Variants in SLC20A2 observed in about 807,000 individuals in gnomAD.
SLC20A2 encodes the protein sodium-dependent phosphate transporter 2.
In SLC20A2, 30 loss-of-function variants were observed where a neutral mutation model predicts 61.0. The observed-to-expected ratio is 0.49, with a 90% confidence interval of 0.37 to 0.67. SLC20A2 has a LOEUF of 0.67. Among genes scored for constraint, SLC20A2 ranks in the 30% least tolerant of loss-of-function variants. SLC20A2 has a pLI of 0.00. For missense variants in SLC20A2, 626 were observed against 866.4 expected, an observed-to-expected ratio of 0.72 and a Z score of 3.48; for synonymous variants, 351 against 353.3, an observed-to-expected ratio of 0.99 and a Z score of 0.07.
intron 8 of SLC20A2, among the ~76,000 whole-genome samples, chr8:42,435,332 C>T (rs1043176441): frequency 6.6e-5 from 10 of 152,078 alleles, no homozygotes; most frequent in Admixed American, 2.0e-4. Flanking sequence ...AAGACGACAA[C>T]GGCACAGTCC....
intron 1 of SLC20A2, among the ~76,000 whole-genome samples, chr8:42,533,284 T>C (rs994330608): frequency 2.0e-5 from 3 of 152,180 alleles, no homozygotes; most frequent in Non-Finnish European, 2.9e-5. Flanking sequence ...TTACGGCAAG[T>C]GCTCTTCGTT....
At chr8:42,497,480 A>C (rs1208318774) in intron 1 of SLC20A2, among the ~76,000 whole-genome samples, 2 of 152,132 alleles carry the variant, frequency 1.3e-5, no homozygotes, top group Non-Finnish European at 2.9e-5. Flanking sequence ...GCTGACGCTG[A>C]AGAAACAGGG....
chr8:42,497,214 A>C (rs1809992941), intron 1 of SLC20A2, among the ~76,000 whole-genome samples: 2 of 152,234 alleles, frequency 1.3e-5, no homozygotes, highest in African/African-American at 4.8e-5. Flanking sequence ...AGTACATTGA[A>C]AACACTGCAA....
chr8:42,540,831 G>A (rs1020491760), intron 1 of SLC20A2: 15 of 152,190 alleles, frequency 9.9e-5, no homozygotes, highest in Non-Finnish European at 2.2e-4. Flanking sequence ...GAAATCCTAT[G>A]CAAATTCATT....
intron 1 of SLC20A2, among the ~76,000 whole-genome samples, chr8:42,488,278 C>T (rs929678157): frequency 4.0e-5 from 6 of 150,754 alleles, no homozygotes; most frequent in Admixed American, 6.6e-5. Flanking sequence ...CTCTGCCTCC[C>T]GGGTTCGACC....
chr8:42,433,337 T>C (rs1804008444), intron 8 of SLC20A2, among the ~76,000 whole-genome samples: 1 of 152,172 alleles, frequency 6.6e-6, no homozygotes, highest in Non-Finnish European at 1.5e-5. Flanking sequence ...TTTATCTTTT[T>C]TTTTGAGATG....
At chr8:42,506,870 G>A (rs1586230761) in intron 1 of SLC20A2, among the ~76,000 whole-genome samples, 2 of 152,220 alleles carry the variant, frequency 1.3e-5, no homozygotes, top group South Asian at 4.1e-4. Context: ...TAGGACAACA[G>A]CAAACATAAT....
chr8:42,529,133 C>A (rs915675628), intron 1 of SLC20A2, among the ~76,000 whole-genome samples: 3 of 152,040 alleles, frequency 2.0e-5, no homozygotes, highest in Non-Finnish European at 4.4e-5. Context: ...TGCCACCACA[C>A]CCAGCTAATT....
chr8:42,510,169 A>G (rs964127343), intron 1 of SLC20A2, among the ~76,000 whole-genome samples: 2 of 152,256 alleles, frequency 1.3e-5, no homozygotes, highest in African/African-American at 4.8e-5. Flanking sequence ...TTTAAAAGGA[A>G]AGTACTAAGG....
At position 42,472,483 on chromosome 8, in the gene SLC20A2, T is replaced by C. The variant is rs1391161120; in HGVS notation, c.-93A>G. On this transcript the variant is annotated 5_prime_UTR_variant, in exon 2 of 11. Coordinates refer to ENST00000520262, the MANE Select transcript of SLC20A2 (RefSeq NM_001257180.2). The surrounding 1 kb of genome is among the most constrained non-coding windows in gnomAD (Gnocchi z 4.1). ...TAAACTTCGTAAGGCCAAGAGTTCT[T>C]GTAAACAGTGAGTTTGCTCTGGAAA... The C allele has an allele frequency of 2.6e-5, 30 of 1,160,342 alleles. No individual in the cohort carries two copies. The highest frequency in any genetic ancestry group is 3.5e-5 in the Non-Finnish European group (29 of 822,590). The allele number at this position is 1,160,342 out of a possible 1,614,324, so 71.9% of individuals were successfully genotyped here.
At position 42,430,625 on chromosome 8, in the gene SLC20A2, T is replaced by C. The variant is rs571607667; in HGVS notation, c.1524-376A>G. Among the ~76,000 whole-genome samples the C allele has an allele frequency of 2.6e-5, 4 of 152,270 alleles. No individual in the cohort carries two copies. The East Asian group carries it at 7.7e-4, about 29-fold the overall frequency. On this transcript the variant is annotated intron_variant, in intron 8 of 10. Coordinates refer to ENST00000520262, the MANE Select transcript of SLC20A2 (RefSeq NM_001257180.2). ...ATCTGCCCACCTTGGCTTCCCAAAG[T>C]GTTGGGATTACAGGCATGAGCCACT...
intron 1 of SLC20A2, among the ~76,000 whole-genome samples, chr8:42,521,861 C>T (rs1201303944): frequency 3.3e-5 from 4 of 120,762 alleles, no homozygotes; most frequent in Admixed American, 8.4e-5. Context: ...ACTATGGACA[C>T]GCTTCACCAA....
intron 2 of SLC20A2, among the ~76,000 whole-genome samples, chr8:42,470,242 G>T (rs1174711688): frequency 3.0e-4 from 44 of 147,956 alleles, no homozygotes; most frequent in Admixed American, 2.2e-3. Context: ...TTTTGAGACA[G>T]GGTCTGGCTA....
At chr8:42,457,880 C>T (rs1490313208) in intron 5 of SLC20A2, among the ~76,000 whole-genome samples, 11 of 152,078 alleles carry the variant, frequency 7.2e-5, no homozygotes, top group Admixed American at 6.6e-4. Flanking sequence ...ATACTTTATT[C>T]CCAGTACTGA....
At chr8:42,510,256 A>G (rs1235776358) in intron 1 of SLC20A2, among the ~76,000 whole-genome samples, 3 of 152,250 alleles carry the variant, frequency 2.0e-5, no homozygotes, top group Non-Finnish European at 4.4e-5. Context: ...CTATGTTGAA[A>G]TAAGTAACAT....
chr8:42,533,651 G>GT (rs1554577829), intron 1 of SLC20A2, among the ~76,000 whole-genome samples: 48 of 89,732 alleles, frequency 5.3e-4, no homozygotes, highest in African/African-American at 2.3e-3. Flanking sequence ...ATGATCAACT[G>GT]TTCTTTTTTT....
intron 1 of SLC20A2, among the ~76,000 whole-genome samples, chr8:42,476,119 C>T (rs543363551): frequency 1.3e-4 from 13 of 98,258 alleles, no homozygotes; most frequent in African/African-American, 4.4e-4. Context: ...TTTTTTGACA[C>T]GAAATCTCGC....
At chr8:42,482,471 G>A (rs1808620376) in intron 1 of SLC20A2, among the ~76,000 whole-genome samples, 1 of 152,016 alleles carries the variant, frequency 6.6e-6, no homozygotes, top group Non-Finnish European at 1.5e-5. Context: ...TAAGAAAAAA[G>A]ACTATTTAGG....
intron 1 of SLC20A2, among the ~76,000 whole-genome samples, chr8:42,473,055 C>T (rs1317210202): frequency 6.6e-6 from 1 of 152,192 alleles, no homozygotes; most frequent in Non-Finnish European, 1.5e-5. Flanking sequence ...TTTCCTGGAA[C>T]AGCAATAACC....
Sources: gnomAD v4.1 joint callset for allele counts (sites outside exome capture counted in the v4.1 genomes callset) on GRCh38, gnomAD v4.1.1 for gene constraint, Gnocchi (gnomAD v3.1) non-coding constraint, MANE v1.5 for transcripts, NCBI Gene and HGNC (gene_info 2026-07-23, HGNC 2026-07-21) for gene names.